The following PID1 variants were observed in gnomAD, a reference collection of about 807,000 sequenced individuals.
The protein encoded by PID1 is PTB-containing, cubilin and LRP1-interacting protein.
A neutral mutation model predicts 19.1 loss-of-function variants in PID1; 10 were observed. The ratio of observed to expected loss-of-function variants is 0.52; its 90% CI spans 0.32 to 0.89. PID1 has a LOEUF of 0.89. Among genes scored for constraint, PID1 ranks in the 40% least tolerant of loss-of-function variants. The pLI is 0.03. For synonymous variants in PID1, 130 were observed against 116.0 expected (o/e 1.12, Z -0.78); for missense variants, 248 against 285.3 (o/e 0.87, Z 0.94).
intron 2 of PID1, among the ~76,000 whole-genome samples, chr2:229,140,106 C>T (rs1422150930): frequency 6.6e-6 from 1 of 152,098 alleles, no homozygotes; most frequent in East Asian, 1.9e-4. Context: ...ATGCTATGTC[C>T]ACCCCGGAAG....
rs914330620 is a variant in PID1 at position 229,067,810 on chromosome 2, T to C, written c.178-41702A>G. ...AGAAGCTCTGTGGTGCTCTCCCACC[T>C]GCTGGGCCCCACGGTGCTCTGTCTT... On this transcript the variant is annotated intron_variant, in intron 2 of 2. Transcript: ENST00000392055. 3.8e-4 allele frequency among the ~76,000 whole-genome samples: 58 copies of C among 152,222 alleles called. 2 individuals carry two copies. Among genetic ancestry groups the C allele is most frequent in the Non-Finnish European group, 1.2e-4 (8 of 68,046 alleles).
intron 1 of PID1, among the ~76,000 whole-genome samples, chr2:229,192,025 T>A (rs1047480052): frequency 6.6e-6 from 1 of 152,166 alleles, no homozygotes; most frequent in African/African-American, 2.4e-5. Context: ...CCTTCTTTTT[T>A]AAGTGATAAT....
intron 1 of PID1, among the ~76,000 whole-genome samples, chr2:229,165,472 T>C (rs1690578476): frequency 6.6e-6 from 1 of 151,920 alleles, no homozygotes; most frequent in African/African-American, 2.4e-5. Flanking sequence ...TTCCAGCTAC[T>C]TGGGAGGCTG....
At chr2:229,125,865 TG>T (rs1213527774) in intron 2 of PID1, among the ~76,000 whole-genome samples, 1 of 152,146 alleles carries the variant, frequency 6.6e-6, no homozygotes, top group African/African-American at 2.4e-5. Flanking sequence ...CTTTCTCCAT[TG>T]AAGAAAATTG....
intron 2 of PID1, among the ~76,000 whole-genome samples, chr2:229,031,214 T>TAAAAAAAA (rs1274567780): frequency 1.7e-3 from 43 of 24,964 alleles, no homozygotes; most frequent in African/African-American, 7.6e-3. Flanking sequence ...AGACTCTGTC[T>TAAAAAAAA]CAAAAAAAAA....
chr2:229,157,612 C>T (rs1318034154), intron 1 of PID1, among the ~76,000 whole-genome samples: 1 of 152,128 alleles, frequency 6.6e-6, no homozygotes, highest in East Asian at 1.9e-4. Flanking sequence ...TTCTGTTCAA[C>T]TCTTAACATG....
At chr2:229,142,084 T>G (rs1357198496) in intron 2 of PID1, among the ~76,000 whole-genome samples, 1 of 152,146 alleles carries the variant, frequency 6.6e-6, no homozygotes, top group Non-Finnish European at 1.5e-5. Context: ...TGCCACTTTT[T>G]GGTCATATCT....
At chr2:229,085,229 A>T (rs938925504) in intron 2 of PID1, among the ~76,000 whole-genome samples, 21 of 152,020 alleles carry the variant, frequency 1.4e-4, no homozygotes, top group Non-Finnish European at 2.6e-4. Flanking sequence ...CTTGTAAAAA[A>T]AAAAAAAAAA....
chr2:229,084,483 T>C (rs1414614568), intron 2 of PID1, among the ~76,000 whole-genome samples: 2 of 152,190 alleles, frequency 1.3e-5, no homozygotes, highest in Non-Finnish European at 2.9e-5. Context: ...GAGCTGGCAA[T>C]AGTGATTTGA....
intron 2 of PID1, among the ~76,000 whole-genome samples, chr2:229,053,679 C>G (rs1694038980): frequency 6.6e-6 from 1 of 152,192 alleles, no homozygotes; most frequent in Non-Finnish European, 1.5e-5. Context: ...GCTTTCCAAA[C>G]TGGTCTATCG....
At chr2:229,179,982 CA>C (rs1382261643) in intron 1 of PID1, among the ~76,000 whole-genome samples, 1 of 152,152 alleles carries the variant, frequency 6.6e-6, no homozygotes, top group Non-Finnish European at 1.5e-5. Flanking sequence ...AGCACAAGAC[CA>C]AATCTGCACC....
At chr2:229,136,759 G>A (rs532191436) in intron 2 of PID1, among the ~76,000 whole-genome samples, 4 of 152,166 alleles carry the variant, frequency 2.6e-5, no homozygotes, top group Non-Finnish European at 4.4e-5. Flanking sequence ...GTCATCCCCT[G>A]AGAAAATTCA....
At chr2:229,058,292 A>T (rs575933150) in intron 2 of PID1, among the ~76,000 whole-genome samples, 5 of 152,188 alleles carry the variant, frequency 3.3e-5, no homozygotes, top group Non-Finnish European at 5.9e-5. Flanking sequence ...AAAATACCAC[A>T]TTCTGAAAAG....
chr2:229,235,045 T>G (rs1295141084), intron 1 of PID1, among the ~76,000 whole-genome samples: 5 of 152,164 alleles, frequency 3.3e-5, no homozygotes, highest in Non-Finnish European at 5.9e-5. Flanking sequence ...TCAACAGCTT[T>G]TTGTCCCCTT....
At chr2:229,208,692 TA>T (rs1203768447) in intron 1 of PID1, among the ~76,000 whole-genome samples, 2 of 152,196 alleles carry the variant, frequency 1.3e-5, no homozygotes, top group African/African-American at 4.8e-5. Context: ...AAATATTTCT[TA>T]ACGAACAAAA....
chr2:229,174,409 A>G (rs1690772080), intron 1 of PID1, among the ~76,000 whole-genome samples: 1 of 152,244 alleles, frequency 6.6e-6, no homozygotes, highest in Non-Finnish European at 1.5e-5. Flanking sequence ...ACATAAATAC[A>G]ATGCAGAATT....
Position 229,247,092 on chromosome 2 carries a change from C to T in PID1, c.30+23922G>A, listed in dbSNP as rs754003602. Among the ~76,000 whole-genome samples the T allele has an allele frequency of 4.2e-4, 64 of 152,122 alleles. 1 individual carries two copies. Among genetic ancestry groups the T allele is most frequent in the Non-Finnish European group, 8.2e-4 (56 of 68,020 alleles). ...ATCATTAATGTGCATATGGGGCAAA[C>T]TGAATACAAAGCTCCATAGAGGAGC... On this transcript the variant is annotated intron_variant, in intron 1 of 2. Coordinates refer to ENST00000392055, the MANE Select transcript of PID1 (RefSeq NM_001100818.2).
At position 229,085,745 on chromosome 2, in the gene PID1, T is replaced by C. The variant is rs549631569; in HGVS notation, c.178-59637A>G. ...TCCTTCAACTAGTCAATTAAGTATA[T>C]GGTTCATCAGACCACAAAATTCAAC... On this transcript the variant is annotated intron_variant, in intron 2 of 2. Transcript: ENST00000392055. 1.7e-4 allele frequency among the ~76,000 whole-genome samples: 26 copies of C among 152,216 alleles called. No individual in the cohort carries two copies. The South Asian group carries it at 5.2e-3, about 30-fold the overall frequency.
chr2:229,129,040 TAATA>T (rs1689653659), intron 2 of PID1, among the ~76,000 whole-genome samples: 1 of 152,010 alleles, frequency 6.6e-6, no homozygotes, highest in Non-Finnish European at 1.5e-5. Flanking sequence ...CACAAAAATT[TAATA>T]AATAAATAAA....
Sources: gnomAD v4.1 joint callset for allele counts (sites outside exome capture counted in the v4.1 genomes callset) on GRCh38, gnomAD v4.1.1 for gene constraint, MANE v1.5 for transcripts, NCBI Gene and HGNC (gene_info 2026-07-23, HGNC 2026-07-21) for gene names.